The following LDB3 variants were observed in gnomAD, a reference collection of about 807,000 sequenced individuals.
LDB3 encodes LIM domain binding 3.
In LDB3, 49 loss-of-function variants were observed where a neutral mutation model predicts 69.0. The ratio of observed to expected loss-of-function variants is 0.71; its 90% CI spans 0.56 to 0.90. The LOEUF is 0.90. Among genes scored for constraint, LDB3 ranks in the 40% least tolerant of loss-of-function variants. The pLI, the probability that LDB3 is intolerant of heterozygous loss-of-function variation, is 0.00. For missense variants in LDB3, 928 were observed against 974.1 expected (o/e 0.95, Z 0.63); for synonymous variants, 387 against 396.2 (o/e 0.98, Z 0.28).
rs550168216 is a variant in LDB3, at chr10:86,692,711, G to A, written c.896+140G>A. ...GCCTGGCCTGCAAAGGGCTCCAGCT[G>A]ACACTAGCTTGAGGCAGCATCGTGA... On this transcript the variant is annotated intron_variant, in intron 7 of 13. Coordinates refer to ENST00000361373, the MANE Select transcript of LDB3 (RefSeq NM_007078.3). The A allele has an allele frequency of 1.9e-5, 15 of 797,474 alleles. No individual in the cohort carries two copies. In the East Asian group the frequency reaches 3.8e-4, roughly 20 times the overall value. The allele number at this position is 797,474 out of a possible 1,614,324, so 49.4% of individuals were successfully genotyped here. A position where few individuals can be genotyped will look rare whatever the true frequency, so the allele number is the denominator to read the frequency against.
At chr10:86,720,462 G>T (rs1847040704) in intron 12 of LDB3, among the ~76,000 whole-genome samples, 1 of 151,538 alleles carries the variant, frequency 6.6e-6, no homozygotes, top group African/African-American at 2.4e-5. Context: ...AAGAAAGAAA[G>T]AAAAGAAACG....
At chr10:86,670,048 T>C (rs534849208) in intron 2 of LDB3, among the ~76,000 whole-genome samples, 1 of 152,088 alleles carries the variant, frequency 6.6e-6, no homozygotes, top group Admixed American at 6.5e-5. Context: ...GTTCCACGGG[T>C]ACTTGAGGGG....
intron 3 of LDB3, 104 bp from the exon 4 acceptor site, chr10:86,679,978 T>C: frequency 1.0e-6 from 1 of 1,004,842 alleles, no homozygotes; most frequent in Non-Finnish European, 1.6e-6. Flanking sequence ...CTCTGAGAGC[T>C]GACTCTGGCT....
At chr10:86,682,905 A>T (rs1378074477) in intron 5 of LDB3, among the ~76,000 whole-genome samples, 3 of 152,052 alleles carry the variant, frequency 2.0e-5, no homozygotes, top group African/African-American at 7.3e-5. Context: ...CCTGTGCCCC[A>T]TCAGGTCACT....
intron 7 of LDB3, among the ~76,000 whole-genome samples, chr10:86,697,215 C>CTTTTTTTT (rs34215720): frequency 1.2e-4 from 9 of 77,782 alleles, no homozygotes; most frequent in African/African-American, 3.1e-4. Context: ...TAGCAATTCA[C>CTTTTTTTT]TTTTTTTTTT....
chr10:86,681,966 G>A (rs752818085), intron 5 of LDB3, among the ~76,000 whole-genome samples, 163 bp downstream of exon 5: 4 of 152,208 alleles, frequency 2.6e-5, no homozygotes, highest in Admixed American at 6.5e-5. Flanking sequence ...GCCATGAGCC[G>A]GGCATGCTAG....
Position 86,728,589 on chromosome 10 carries a change from T to TTTTTTTTTGTTTTTG in LDB3, c.2094+2345_2094+2346insGTTTTTGTTTTTTTT, listed in dbSNP as rs1189920286. Reference sequence around the variant, plus strand: ...CAAAGTGGAACATGGTTCTTTTGTTTTTTTTTTTTTTTGAGACAAAGTCTT... The same window carrying TTTTTTTTTGTTTTTG: ...CAAAGTGGAACATGGTTCTTTTGTTTTTTTTTTTGTTTTTGTTTTTTTTTTTTGAGACAAAGTCTT... On this transcript the variant is annotated intron_variant, in intron 13 of 13. Coordinates refer to ENST00000361373, the MANE Select transcript of LDB3 (RefSeq NM_007078.3). 1.4e-3 allele frequency among the ~76,000 whole-genome samples: 213 copies of TTTTTTTTTGTTTTTG among 148,920 alleles called. 1 individual carries two copies. The highest frequency in any genetic ancestry group is 4.8e-3 in the African/African-American group (194 of 40,640).
chr10:86,683,439 C>G (rs1180773136), intron 5 of LDB3, among the ~76,000 whole-genome samples: 1 of 152,232 alleles, frequency 6.6e-6, no homozygotes, highest in Non-Finnish European at 1.5e-5. Context: ...GCATGCAGGT[C>G]TGCCTGACTC....
intron 12 of LDB3, among the ~76,000 whole-genome samples, chr10:86,722,324 G>A (rs372873994): frequency 3.3e-5 from 5 of 152,054 alleles, no homozygotes; most frequent in African/African-American, 9.6e-5. Context: ...GCAGTGGCGC[G>A]ATCTTGGCTC....
chr10:86,718,750 GA>G lies in LDB3; in HGVS notation c.1882del (p.Thr628HisfsTer75), dbSNP rs762381488. The G allele has an allele frequency of 6.2e-7, 1 of 1,614,202 alleles. No homozygotes were observed. Among genetic ancestry groups the G allele is most frequent in the Non-Finnish European group, 8.5e-7 (1 of 1,180,034 alleles). ...MGEVMHALRQ[T>X]WHTTCFVCAA... ...AGGAAGTAATGCATGCCTTGAGACA[GA>G]CATGGCACACCACCTGCTTCGTCTG... On this transcript the variant is annotated frameshift_variant, in exon 12 of 14. Coordinates refer to ENST00000361373, the MANE Select transcript of LDB3 (RefSeq NM_007078.3). LOFTEE classifies it high-confidence loss of function.
intron 3 of LDB3, 97 bp from the exon 4 acceptor site, chr10:86,679,985 G>A: frequency 9.5e-7 from 1 of 1,057,048 alleles, no homozygotes. Context: ...AGCTGACTCT[G>A]GCTCTCTCTT....
chr10:86,677,816 A>C (rs1589614999), intron 2 of LDB3, among the ~76,000 whole-genome samples: 1 of 151,848 alleles, frequency 6.6e-6, no homozygotes, highest in Non-Finnish European at 1.5e-5. Context: ...CGGCTACCTC[A>C]CTCTCTCCAC....
chr10:86,692,413 C>A, intron 6 of LDB3, 122 bp from the exon 7 acceptor site: 1 of 1,006,240 alleles, frequency 9.9e-7, no homozygotes, highest in Non-Finnish European at 1.6e-6. Flanking sequence ...AGTGGACAGG[C>A]AAGGGGGCAG....
chr10:86,707,915 T>C (rs1846505194), intron 8 of LDB3, among the ~76,000 whole-genome samples: 2 of 152,218 alleles, frequency 1.3e-5, no homozygotes, highest in African/African-American at 4.8e-5. Context: ...AATCTCTTCA[T>C]ATAAAGGCCT....
In LDB3 at chr10:86,681,759, G is replaced by A. The variant is rs957930268; in HGVS notation, c.645G>A (p.Gln215=). The change falls in exon 5 of 14, where the codon CAG becomes CAA. Residue 215 remains glutamine, a synonymous_variant. Coordinates refer to ENST00000361373, the MANE Select transcript of LDB3 (RefSeq NM_007078.3). The stretch of plus-strand genomic sequence containing the variant: ...TGAGGGAGATGGCTCAGATGTACCA[G>A]ATGAGCCTCCGAGGGAAGGCCTCGG... ...ETLREMAQMY[Q]MSLRGKASGV... is the part of the protein sequence containing the mutation. The A allele has an allele frequency of 5.0e-6, 8 of 1,603,096 alleles. No individual in the cohort carries two copies. The highest frequency in any genetic ancestry group is 1.7e-4 in the Middle Eastern group (1 of 6,014).
intron 13 of LDB3, among the ~76,000 whole-genome samples, chr10:86,731,299 A>G (rs1487752996): frequency 7.4e-6 from 1 of 134,710 alleles, no homozygotes; most frequent in African/African-American, 2.8e-5. Context: ...ATCTCAGCTC[A>G]CTGAAACCTC....
chr10:86,681,921 G>A (rs1845170947), intron 5 of LDB3, 118 bp downstream of exon 5: 4 of 1,077,666 alleles, frequency 3.7e-6, no homozygotes, highest in Admixed American at 2.3e-5. Flanking sequence ...AGCCAGCCCC[G>A]AGCCCATGAG....
At chr10:86,694,670 C>T (rs1365249627) in intron 7 of LDB3, among the ~76,000 whole-genome samples, 1 of 152,222 alleles carries the variant, frequency 6.6e-6, no homozygotes, top group Non-Finnish European at 1.5e-5. Context: ...AAGCAGTGAT[C>T]CCATGGACCC....
intron 5 of LDB3, chr10:86,687,350 C>A: frequency 7.1e-7 from 1 of 1,405,418 alleles, no homozygotes; most frequent in Non-Finnish European, 1.0e-6. Flanking sequence ...CCATCGGGAC[C>A]AGCTTTCTTC....
Sources: gnomAD v4.1 joint callset for allele counts (sites outside exome capture counted in the v4.1 genomes callset) on GRCh38, gnomAD v4.1.1 for gene constraint, MANE v1.5 for transcripts, NCBI Gene and HGNC (gene_info 2026-07-23, HGNC 2026-07-21) for gene names.